CUX2: variants seen among roughly 807,000 people sequenced by gnomAD.
CUX2 encodes the protein cut like homeobox 2.
In CUX2, 40 loss-of-function variants were observed where a neutral mutation model predicts 144.8. That is an observed-to-expected ratio of 0.28 (90% confidence interval 0.21 to 0.36). The LOEUF is 0.36. Ranked by LOEUF, CUX2 falls within the 10% of genes least tolerant of loss-of-function variation. The probability of loss-of-function intolerance (pLI) is 1.00; values close to 1 mark genes in which losing one functional copy is unlikely to be tolerated. For synonymous variants in CUX2, 827 were observed against 875.6 expected (o/e 0.94, Z 0.98); for missense variants, 1,615 against 1,994.0 (o/e 0.81, Z 3.62).
In CUX2 at chr12:111,295,643, C is replaced by G. The variant is rs562129927; in HGVS notation, c.637+234C>G. Among the ~76,000 whole-genome samples the G allele has an allele frequency of 7.9e-5, 12 of 152,030 alleles. No homozygotes were observed. Among genetic ancestry groups the G allele is most frequent in the Non-Finnish European group, 1.5e-4 (10 of 68,018 alleles). On this transcript the variant is annotated intron_variant, in intron 7 of 21. Coordinates refer to ENST00000261726, the MANE Select transcript of CUX2 (RefSeq NM_015267.4). The surrounding 1 kb of genome is among the most constrained non-coding windows in gnomAD (Gnocchi z 5.0). The stretch of plus-strand genomic sequence containing the variant: ...AGAATTAATTCAGGTGATGGCCAGG[C>G]GTGGTGGCTCACATGTGTAATCCTG...
At chr12:111,238,335 GTAAA>G (rs1198143986) in intron 3 of CUX2, among the ~76,000 whole-genome samples, 1 of 152,232 alleles carries the variant, frequency 6.6e-6, no homozygotes, top group African/African-American at 2.4e-5. Flanking sequence ...CAGGTGCTGA[GTAAA>G]TAGTTATTAA....
At chr12:111,194,265 G>GTAGCACAGGGCCACGCACGTGAT (rs1201407668) in intron 1 of CUX2, among the ~76,000 whole-genome samples, 3 of 152,184 alleles carry the variant, frequency 2.0e-5, no homozygotes, top group African/African-American at 7.2e-5. Flanking sequence ...TGGGGTTCTT[G>GTAGCACAGGGCCACGCACGTGAT]TAGCACAGGG....
chr12:111,260,292 G>A (rs1482046583), intron 3 of CUX2, among the ~76,000 whole-genome samples: 3 of 151,690 alleles, frequency 2.0e-5, no homozygotes, highest in South Asian at 2.1e-4. Context: ...GTGAAACCCC[G>A]TCTCTACTGA....
intron 1 of CUX2, among the ~76,000 whole-genome samples, chr12:111,123,914 G>A (rs1467329722): frequency 6.6e-6 from 1 of 152,194 alleles, no homozygotes; most frequent in Non-Finnish European, 1.5e-5. Flanking sequence ...AGGCTCAGAG[G>A]GGTAAAACAC....
chr12:111,321,152 T>G (rs1887508326), intron 17 of CUX2, among the ~76,000 whole-genome samples: 1 of 151,870 alleles, frequency 6.6e-6, no homozygotes, highest in South Asian at 2.1e-4. Context: ...GCCAACGTGG[T>G]GAAACCCCGT....
intron 3 of CUX2, among the ~76,000 whole-genome samples, chr12:111,257,750 T>C (rs1439018236): frequency 3.4e-5 from 5 of 146,470 alleles, no homozygotes; most frequent in African/African-American, 5.0e-5. Context: ...TTTCTTCTCC[T>C]CTTCCTCCCT....
chr12:111,045,722 G>A (rs985795787), intron 1 of CUX2, among the ~76,000 whole-genome samples: 5 of 152,136 alleles, frequency 3.3e-5, no homozygotes, highest in East Asian at 3.8e-4. Context: ...TTCAGACCCC[G>A]GTCTTGCCAC....
intron 1 of CUX2, chr12:111,100,131 C>T (rs1024607341): frequency 4.5e-6 from 2 of 448,320 alleles, no homozygotes; most frequent in Non-Finnish European, 9.0e-6. Context: ...AGTGCAAGGA[C>T]CCGCCGAGGG....
intron 1 of CUX2, among the ~76,000 whole-genome samples, chr12:111,083,099 C>A (rs563246154): frequency 6.6e-6 from 1 of 152,274 alleles, no homozygotes; most frequent in East Asian, 1.9e-4. Flanking sequence ...GTTGCCTCCC[C>A]TGCTAAGTTG....
At position 111,160,703 on chromosome 12, in the gene CUX2, G is replaced by T. The variant is rs1041916430; in HGVS notation, c.64-53497G>T. The stretch of plus-strand genomic sequence containing the variant: ...GTGGCATTTTCAGGGGATTCCTCTG[G>T]AACAGCACCGTGGGGGGCAGGCGGT... On this transcript the variant is annotated intron_variant, in intron 1 of 21. Coordinates refer to ENST00000261726, the MANE Select transcript of CUX2 (RefSeq NM_015267.4). This position sits in a 1 kb window ranked among gnomAD's most constrained non-coding sequence, Gnocchi z 4.1. Among the ~76,000 whole-genome samples the T allele has an allele frequency of 1.3e-5, 2 of 152,176 alleles. No individual in the cohort carries two copies. Among genetic ancestry groups the T allele is most frequent in the Non-Finnish European group, 2.9e-5 (2 of 68,036 alleles).
At chr12:111,049,600 G>A (rs541419884) in intron 1 of CUX2, among the ~76,000 whole-genome samples, 17 of 152,326 alleles carry the variant, frequency 1.1e-4, no homozygotes, top group African/African-American at 3.6e-4. Flanking sequence ...GCTGGAGAGG[G>A]TTCTAGACTT....
chr12:111,328,619 T>TGTGTGTGTGTGA (rs757660183), intron 18 of CUX2, among the ~76,000 whole-genome samples: 10 of 148,618 alleles, frequency 6.7e-5, no homozygotes, highest in African/African-American at 2.3e-4. Context: ...TGTGTGTGTG[T>TGTGTGTGTGTGA]GACAGAGTCT....
At chr12:111,213,929 A>C (rs1460687359) in intron 1 of CUX2, among the ~76,000 whole-genome samples, 2 of 151,764 alleles carry the variant, frequency 1.3e-5, no homozygotes, top group Admixed American at 6.6e-5. Context: ...GAAAAAAAAA[A>C]CAACCAACTC....
intron 1 of CUX2, among the ~76,000 whole-genome samples, chr12:111,148,533 A>G (rs2136132841): frequency 6.6e-6 from 1 of 152,108 alleles, no homozygotes; most frequent in Middle Eastern, 3.4e-3. Context: ...ATTTTATGTT[A>G]TGTATATTTT....
At chr12:111,137,529 T>C (rs905384258) in intron 1 of CUX2, among the ~76,000 whole-genome samples, 1 of 152,124 alleles carries the variant, frequency 6.6e-6, no homozygotes, top group Non-Finnish European at 1.5e-5. Context: ...AAATTTTTTT[T>C]TGAGACAGGG....
intron 1 of CUX2, among the ~76,000 whole-genome samples, chr12:111,097,574 G>A (rs761640312): frequency 6.6e-6 from 1 of 152,204 alleles, no homozygotes; most frequent in African/African-American, 2.4e-5. Context: ...GTGCCTACCC[G>A]GGGCCAGATC....
At position 111,348,204 on chromosome 12, in the gene CUX2, C is replaced by G. The variant is rs369462639; in HGVS notation, c.4340C>G (p.Pro1447Arg). 6.8e-6 allele frequency: 11 copies of G among 1,613,968 alleles called. No individual in the cohort carries two copies. Among genetic ancestry groups the G allele is most frequent in the Admixed American group, 1.7e-5 (1 of 60,006 alleles). ...PTADMAGALH[P>R]SAKVNPNLQR... ...GCTGACATGGCTGGAGCCTTGCACC[C>G]CAGTGCCAAGGTGAACCCCAACTTG... Residue 1447 changes from proline to arginine, a missense_variant, in exon 22 of 22, where the codon CCC becomes CGC. This residue lies in a region of CUX2 where 298 missense variants were observed against 330.4 expected (regional missense o/e 0.90). Transcript: ENST00000261726.
intron 8 of CUX2, 56 bp from the exon 9 acceptor site, chr12:111,298,485 C>G: frequency 6.5e-7 from 1 of 1,531,854 alleles, no homozygotes; most frequent in East Asian, 2.4e-5. Flanking sequence ...TCAGGAGGGG[C>G]GGGGGCCTGG....
intron 21 of CUX2, among the ~76,000 whole-genome samples, chr12:111,342,532 A>T (rs1277808462): frequency 6.6e-6 from 1 of 151,828 alleles, no homozygotes; most frequent in East Asian, 1.9e-4. Flanking sequence ...CAGCTCCATC[A>T]CTTTCAGCTG....
Sources: allele counts gnomAD v4.1 joint callset (sites outside exome capture counted in the v4.1 genomes callset), GRCh38; gene constraint gnomAD v4.1.1; regional missense constraint gnomAD v4.1.1; non-coding constraint Gnocchi (gnomAD v3.1); transcripts MANE v1.5; gene names NCBI Gene and HGNC (gene_info 2026-07-23, HGNC 2026-07-21).